The following BPGM variants were observed in gnomAD, a reference collection of about 807,000 sequenced individuals.
BPGM encodes the protein 2,3-bisphosphoglycerate mutase, erythrocyte.
Under a neutral mutation model 21.6 loss-of-function variants are expected in BPGM, and 15 were observed. The ratio of observed to expected loss-of-function variants is 0.70; its 90% CI spans 0.47 to 1.07. The LOEUF (loss-of-function observed/expected upper bound fraction) is 1.07, where lower values mean the gene tolerates loss of function less well. Among genes scored for constraint, BPGM ranks in the 50% least tolerant of loss-of-function variants. The pLI is 0.00. For synonymous variants in BPGM, 113 were observed against 116.2 expected, an observed-to-expected ratio of 0.97 and a Z score of 0.18; for missense variants, 273 against 319.0, an observed-to-expected ratio of 0.86 and a Z score of 1.10.
chr7:134,663,652 G>A (rs1795771324), intron 2 of BPGM, among the ~76,000 whole-genome samples: 1 of 152,090 alleles, frequency 6.6e-6, no homozygotes, highest in Non-Finnish European at 1.5e-5. Flanking sequence ...TTTCAGAGCT[G>A]GGTCTCAGAT....
At chr7:134,675,832 C>T (rs936155279) in intron 2 of BPGM, among the ~76,000 whole-genome samples, 2 of 152,162 alleles carry the variant, frequency 1.3e-5, no homozygotes. Context: ...GCCCTCTTAA[C>T]AGTGTTATGT....
intron 1 of BPGM, among the ~76,000 whole-genome samples, chr7:134,658,894 T>TTTTTTTATTTTTA (rs755397685): frequency 6.6e-6 from 1 of 150,798 alleles, no homozygotes; most frequent in Non-Finnish European, 1.5e-5. Flanking sequence ...GTGTGTGTAT[T>TTTTTTTATTTTTA]TTTTTTTTAG....
chr7:134,649,776 A>G (rs1015152785), intron 1 of BPGM, among the ~76,000 whole-genome samples: 2 of 152,232 alleles, frequency 1.3e-5, no homozygotes, highest in Non-Finnish European at 2.9e-5. Flanking sequence ...CTTCCATCCC[A>G]CAATATTTGA....
intron 1 of BPGM, among the ~76,000 whole-genome samples, chr7:134,659,835 T>C (rs11972355): frequency 0.1 from 15,911 of 152,198 alleles, 1,316 homozygotes; most frequent in African/African-American, 0.22. Context: ...GGAGCATATA[T>C]AGACATCTGA....
At position 134,679,386 on chromosome 7, in the gene BPGM, C is replaced by CT. The variant is rs1186329150; in HGVS notation, c.*356dup. On this transcript the variant is annotated 3_prime_UTR_variant, in exon 3 of 3. Transcript: ENST00000344924. ...ATTATTGAGTCACCATTGACAGGCA[C>CT]TATTCTAATCAGTAGTTCACTTTAA... 2 of 269,206 alleles carry CT rather than the reference C, an allele frequency of 7.4e-6. No homozygotes were observed. Among genetic ancestry groups the CT allele is most frequent in the Non-Finnish European group, 1.4e-5 (2 of 139,236 alleles). 16.7% of individuals were successfully genotyped at this position (269,206 alleles called of 1,614,324 possible).
chr7:134,666,502 C>T (rs1276042288), intron 2 of BPGM, among the ~76,000 whole-genome samples: 1 of 152,082 alleles, frequency 6.6e-6, no homozygotes, highest in African/African-American at 2.4e-5. Context: ...GCCTAGAAAA[C>T]TAATGGAATG....
At chr7:134,658,873 C>T (rs1795682208) in intron 1 of BPGM, among the ~76,000 whole-genome samples, 1 of 63,650 alleles carries the variant, frequency 1.6e-5, no homozygotes. Flanking sequence ...TTCCTCTGTT[C>T]TGGTGTGTGT....
chr7:134,678,942 C>T lies in BPGM; in HGVS notation c.691C>T (p.Pro231Ser), dbSNP rs1377660168. The T allele has an allele frequency of 1.2e-6, 2 of 1,614,040 alleles. No individual in the cohort carries two copies. Among genetic ancestry groups the T allele is most frequent in the Admixed American group, 3.3e-5 (2 of 60,026 alleles). Residue 231 changes from proline (P) to serine (S), a missense_variant, in exon 3 of 3, where the codon CCT (proline) becomes TCT (serine). By Grantham distance (74) the Pro-to-Ser change is moderately conservative. Transcript: ENST00000344924. ...ELDENLRAVG[P>S]HQFLGDQEAI... Reference sequence around the variant, plus strand: ...GGATGAAAACCTGCGTGCTGTTGGGCCTCATCAGTTCCTGGGTGACCAAGA... The same window carrying T: ...GGATGAAAACCTGCGTGCTGTTGGGTCTCATCAGTTCCTGGGTGACCAAGA...
chr7:134,647,423 G>A (rs7788073), intron 1 of BPGM, among the ~76,000 whole-genome samples: 88,738 of 151,968 alleles, frequency 0.58, 26,902 homozygotes, highest in East Asian at 0.89. Flanking sequence ...TATATGCAGT[G>A]TTTTCATGTA....
chr7:134,656,907 C>T (rs762849887), intron 1 of BPGM, among the ~76,000 whole-genome samples: 5 of 152,220 alleles, frequency 3.3e-5, no homozygotes, highest in Non-Finnish European at 5.9e-5. Flanking sequence ...GGCAAGCCCT[C>T]TCTGCCTATG....
Position 134,653,559 on chromosome 7 carries a change from T to C in BPGM, c.-62+6622T>C, listed in dbSNP as rs370499885. On this transcript the variant is annotated intron_variant, in intron 1 of 2. Coordinates refer to ENST00000344924, the MANE Select transcript of BPGM (RefSeq NM_001724.5). ...TACATGCTTTGGCACAGGCTTTTTT[T>C]GTGTCACTATTTTTTCTTATCTTTC... is the stretch of plus-strand genomic sequence containing the variant. Among the ~76,000 whole-genome samples the C allele has an allele frequency of 4.6e-5, 7 of 152,328 alleles. 1 individual carries two copies. Among genetic ancestry groups the C allele is most frequent in the African/African-American group, 1.7e-4 (7 of 41,580 alleles).
chr7:134,650,430 G>C (rs1212677486), intron 1 of BPGM, among the ~76,000 whole-genome samples: 6 of 152,220 alleles, frequency 3.9e-5, no homozygotes, highest in South Asian at 2.1e-4. Flanking sequence ...GGGAATGAGA[G>C]GGTTTTAGTG....
At position 134,677,632 on chromosome 7, in the gene BPGM, T is replaced by C. The variant is rs374713679; in HGVS notation, c.602-1221T>C. Among the ~76,000 whole-genome samples the C allele has an allele frequency of 1.4e-3, 214 of 152,314 alleles. 5 individuals carry two copies. The South Asian group carries it at 0.042, about 30-fold the overall frequency. On this transcript the variant is annotated intron_variant, in intron 2 of 2. Coordinates refer to ENST00000344924, the MANE Select transcript of BPGM (RefSeq NM_001724.5). ...AACCAATAACAACTTATTCTGCCAC[T>C]CTCAAGTAAAGACAAACCCTTGGAC...
At chr7:134,655,713 T>G (rs1795626424) in intron 1 of BPGM, among the ~76,000 whole-genome samples, 1 of 152,242 alleles carries the variant, frequency 6.6e-6, no homozygotes, top group Admixed American at 6.5e-5. Context: ...CCAACTGATT[T>G]TACTGTGGCA....
chr7:134,671,208 A>T (rs1350980969), intron 2 of BPGM, among the ~76,000 whole-genome samples: 1 of 152,116 alleles, frequency 6.6e-6, no homozygotes, highest in South Asian at 2.1e-4. Flanking sequence ...GGTACAAGGG[A>T]TATAGCACCT....
Position 134,678,855 on chromosome 7 carries a change from A to G in BPGM, c.604A>G (p.Ile202Val), listed in dbSNP as rs768632768. The change falls in exon 3 of 3, where the codon ATC becomes GTC. Residue 202 changes from isoleucine to valine, a missense_variant and splice_region_variant. By Grantham distance (29) the Ile-to-Val change is conservative (BLOSUM62 3). Coordinates refer to ENST00000344924, the MANE Select transcript of BPGM (RefSeq NM_001724.5). ...SRALLKHLEG[I>V]SDEDIINITL... is the part of the protein sequence containing the mutation. The stretch of plus-strand genomic sequence containing the variant: ...TCTCTTCCTGTCCTGATCAACAGGT[A>G]TCTCAGATGAAGACATCATCAACAT... 1.2e-6 allele frequency: 2 copies of G among 1,613,502 alleles called. No homozygotes were observed. The highest frequency in any genetic ancestry group is 1.7e-6 in the Non-Finnish European group (2 of 1,179,390).
At chr7:134,665,075 G>A in intron 2 of BPGM, among the ~76,000 whole-genome samples, 1 of 152,276 alleles carries the variant, frequency 6.6e-6, no homozygotes, top group Non-Finnish European at 1.5e-5. Flanking sequence ...TACACTTTGT[G>A]TGGGTGAATT....
chr7:134,649,053 G>T (rs578098661), intron 1 of BPGM, among the ~76,000 whole-genome samples: 2 of 152,144 alleles, frequency 1.3e-5, no homozygotes, highest in African/African-American at 4.8e-5. Flanking sequence ...TTTTGACATA[G>T]GCATGCAATG....
intron 2 of BPGM, among the ~76,000 whole-genome samples, chr7:134,670,670 A>T (rs1795889803): frequency 6.6e-6 from 1 of 152,082 alleles, no homozygotes. Flanking sequence ...TTCAGCTCTT[A>T]TTGGCCATAA....
Sources: gnomAD v4.1 joint callset for allele counts (sites outside exome capture counted in the v4.1 genomes callset) on GRCh38, gnomAD v4.1.1 for gene constraint, MANE v1.5 for transcripts, NCBI Gene and HGNC (gene_info 2026-07-23, HGNC 2026-07-21) for gene names.